Variants in PPAN observed in about 807,000 individuals in gnomAD.
The protein encoded by PPAN is suppressor of SWI4 1 homolog.
Under a neutral mutation model 48.5 loss-of-function variants are expected in PPAN, and 39 were observed. The observed-to-expected ratio is 0.80, with a 90% CI of 0.62 to 1.05. The LOEUF (loss-of-function observed/expected upper bound fraction) is 1.05, where lower values mean the gene tolerates loss of function less well. Ranked by LOEUF, PPAN falls within the 50% of genes least tolerant of loss-of-function variation. The probability of loss-of-function intolerance (pLI) is 0.00; values close to 1 mark genes in which losing one functional copy is unlikely to be tolerated. For synonymous variants in PPAN, 315 were observed against 268.6 expected, an observed-to-expected ratio of 1.17 and a Z score of -1.69; for missense variants, 736 against 661.7, an observed-to-expected ratio of 1.11 and a Z score of -1.23.
Position 10,110,624 on chromosome 19 carries a change from G to C in PPAN, c.1031+10G>C. 6.2e-7 allele frequency: 1 copy of C among 1,608,032 alleles called. No individual in the cohort carries two copies. Among genetic ancestry groups the C allele is most frequent in the Non-Finnish European group, 8.5e-7 (1 of 1,177,566 alleles). On this transcript the variant is annotated intron_variant, in intron 10 of 11. Transcript: ENST00000253107. The surrounding 1 kb of genome is among the most constrained non-coding windows in gnomAD (Gnocchi z 5.9). ...AGCGGGAGGCCCACAGGTCCAGGCAGAGCTGGGAAGGGCAGGGCCAAGGGG... is the reference window on the plus strand; with the variant it reads ...AGCGGGAGGCCCACAGGTCCAGGCACAGCTGGGAAGGGCAGGGCCAAGGGG...
Position 10,110,424 on chromosome 19 carries a change from G to T in PPAN, c.901+22G>T, listed in dbSNP as rs545914485. On this transcript the variant is annotated intron_variant, in intron 9 of 11. Coordinates refer to ENST00000253107, the MANE Select transcript of PPAN (RefSeq NM_020230.7). The surrounding 1 kb of genome is among the most constrained non-coding windows in gnomAD (Gnocchi z 5.9). ...TTTGGTGAGGCCGGGGCCGCCGGGGGTGGGGGGTCATGGGTGTGGAGCTGC... is the reference window on the plus strand; with the variant it reads ...TTTGGTGAGGCCGGGGCCGCCGGGGTTGGGGGGTCATGGGTGTGGAGCTGC... 1.2e-5 allele frequency: 19 copies of T among 1,612,854 alleles called. No homozygotes were observed. The South Asian group carries it at 1.5e-4, about 13-fold the overall frequency.
Position 10,110,581 on chromosome 19 carries a change from T to G in PPAN, c.998T>G (p.Val333Gly), listed in dbSNP as rs965660128. 6.2e-7 allele frequency: 1 copy of G among 1,603,424 alleles called. No individual in the cohort carries two copies. The highest frequency in any genetic ancestry group is 8.5e-7 in the Non-Finnish European group (1 of 1,176,004). The change falls in exon 10 of 12, where the codon GTG (valine) becomes GGG (glycine). Residue 333 changes from valine to glycine, a missense_variant. Val to Gly is a moderately radical substitution (Grantham distance 109). Transcript: ENST00000253107. The surrounding 1 kb of genome is among the most constrained non-coding windows in gnomAD (Gnocchi z 5.9). ...AQRQAQQAQN[V>G]QRKQEQREAH... ...AGGCAGGCCCAGCAGGCCCAGAATG[T>G]GCAGCGCAAGCAGGAGCAGCGGGAG...
intron 5 of PPAN, among the ~76,000 whole-genome samples, chr19:10,108,617 C>T (rs1228955874): frequency 6.6e-6 from 1 of 151,814 alleles, no homozygotes; most frequent in Non-Finnish European, 1.5e-5. Flanking sequence ...CCCGGTGTGG[C>T]GGTGCATGCC....
Position 10,111,836 on chromosome 19 carries a change from G to A in PPAN, c.*671G>A. 1 of 1,443,384 alleles carries A rather than the reference G, an allele frequency of 6.9e-7. No individual in the cohort carries two copies. The highest frequency in any genetic ancestry group is 9.6e-7 in the Non-Finnish European group (1 of 1,039,444). The allele number at this position is 1,443,384 out of a possible 1,614,324, so 89.4% of individuals were successfully genotyped here. On this transcript the variant is annotated 3_prime_UTR_variant, in exon 12 of 12. Transcript: ENST00000253107. ...GTAAAACACCTAGGTCTGGGGCTGG[G>A]CACGGTGGCTCACGCCTGTAATCCC...
chr19:10,109,152 C>G (rs995738648), intron 5 of PPAN, among the ~76,000 whole-genome samples: 1 of 151,988 alleles, frequency 6.6e-6, no homozygotes, highest in Non-Finnish European at 1.5e-5. Context: ...TTAGTAGAGA[C>G]AGGATTTCAC....
Position 10,111,661 on chromosome 19 carries a change from T to G in PPAN, c.*496T>G. Reference sequence around the variant, plus strand: ...GGGGCAGGGCCCACTAAGCCACTGGTGACTGGGGGAGGGGCTGGGGAACTG... The same window carrying G: ...GGGGCAGGGCCCACTAAGCCACTGGGGACTGGGGGAGGGGCTGGGGAACTG... On this transcript the variant is annotated 3_prime_UTR_variant, in exon 12 of 12. Transcript: ENST00000253107. 6.2e-7 allele frequency: 1 copy of G among 1,609,816 alleles called. No homozygotes were observed.
rs143841517 is a variant in PPAN, at chr19:10,110,780, G to T, written c.1115G>T (p.Ser372Ile). ...EASGIPSRTA[S>I]LELGEDDDEQ... Reference sequence around the variant, plus strand: ...TCTGGGATCCCTTCAAGGACGGCGAGCCTGGAGTTGGGTGAGGACGATGAT... The same window carrying T: ...TCTGGGATCCCTTCAAGGACGGCGATCCTGGAGTTGGGTGAGGACGATGAT... Residue 372 changes from serine to isoleucine, a missense_variant, in exon 11 of 12, where the codon AGC becomes ATC. Ser to Ile is a moderately radical substitution (Grantham distance 142). Coordinates refer to ENST00000253107, the MANE Select transcript of PPAN (RefSeq NM_020230.7). The surrounding 1 kb of genome is among the most constrained non-coding windows in gnomAD (Gnocchi z 5.9). 1.9e-6 allele frequency: 3 copies of T among 1,613,924 alleles called. No individual in the cohort carries two copies. In the African/African-American group the frequency reaches 4.0e-5, roughly 22 times the overall value.
chr19:10,106,851 G>T, intron 2 of PPAN, 180 bp downstream of exon 2: 1 of 1,030,272 alleles, frequency 9.7e-7, no homozygotes, highest in South Asian at 1.7e-5. Context: ...GTGAGGGCGC[G>T]CAGCTTGGGA....
At position 10,108,108 on chromosome 19, in the gene PPAN, C is replaced by G. The variant is rs1270759733; in HGVS notation, c.487C>G (p.Leu163Val). ...GCTCATGGCCACCATGTTCCAGAACCTGTTCCCCTCCATCAACGTGCACAA... is the reference window on the plus strand; with the variant it reads ...GCTCATGGCCACCATGTTCCAGAACGTGTTCCCCTCCATCAACGTGCACAA... ...VKLMATMFQN[L>V]FPSINVHKVN... The change falls in exon 5 of 12, where the codon CTG becomes GTG. Residue 163 changes from leucine to valine, a missense_variant. Coordinates refer to ENST00000253107, the MANE Select transcript of PPAN (RefSeq NM_020230.7). 2 of 1,612,772 alleles carry G rather than the reference C, an allele frequency of 1.2e-6. No homozygotes were observed. The highest frequency in any genetic ancestry group is 2.2e-5 in the East Asian group (1 of 44,896).
chr19:10,111,566 G>T lies in PPAN; in HGVS notation c.*401G>T. ...CCTCAGGAGGGTTGTGGCACAATGA[G>T]GAAGGAAACGTGGGTGGAAAGGCAC... On this transcript the variant is annotated 3_prime_UTR_variant, in exon 12 of 12. Coordinates refer to ENST00000253107, the MANE Select transcript of PPAN (RefSeq NM_020230.7). The T allele has an allele frequency of 1.2e-6, 1 of 849,588 alleles. No individual in the cohort carries two copies. Among genetic ancestry groups the T allele is most frequent in the East Asian group, 2.6e-5 (1 of 38,350 alleles). The allele number at this position is 849,588 out of a possible 1,614,324, so 52.6% of individuals were successfully genotyped here.
chr19:10,110,729 G>C lies in PPAN; in HGVS notation c.1064G>C (p.Arg355Pro), dbSNP rs142965918. The part of the protein sequence containing the change: ...KKSLEGMKKA[R>P]VGGSDEEASG... ...AGCCTGGAGGGCATGAAGAAGGCACGGGTCGGGGGTAGTGATGAAGAGGCC... is the reference window on the plus strand; with the variant it reads ...AGCCTGGAGGGCATGAAGAAGGCACCGGTCGGGGGTAGTGATGAAGAGGCC... The change falls in exon 11 of 12, where the codon CGG (arginine) becomes CCG (proline). Residue 355 changes from arginine (R) to proline (P), a missense_variant. Transcript: ENST00000253107. This position sits in a 1 kb window ranked among gnomAD's most constrained non-coding sequence, Gnocchi z 5.9. 8.7e-6 allele frequency: 14 copies of C among 1,613,778 alleles called. No individual in the cohort carries two copies. The highest frequency in any genetic ancestry group is 1.1e-5 in the Non-Finnish European group (13 of 1,179,980).
rs1335884382 is a variant in PPAN, at chr19:10,111,417, C to G, written c.*252C>G. Reference sequence around the variant, plus strand: ...TGGTTTCTTCCTGGAAGCTGGGTCTCTCCCCTACCCTGCACGGGGTTGGTT... The same window carrying G: ...TGGTTTCTTCCTGGAAGCTGGGTCTGTCCCCTACCCTGCACGGGGTTGGTT... On this transcript the variant is annotated 3_prime_UTR_variant, in exon 12 of 12. Coordinates refer to ENST00000253107, the MANE Select transcript of PPAN (RefSeq NM_020230.7). The G allele has an allele frequency of 1.6e-6, 1 of 630,880 alleles. No homozygotes were observed. Among genetic ancestry groups the G allele is most frequent in the Admixed American group, 3.0e-5 (1 of 33,808 alleles). The allele number at this position is 630,880 out of a possible 1,614,324, so 39.1% of individuals were successfully genotyped here.
chr19:10,109,857 C>G, intron 6 of PPAN, 56 bp from the exon 7 acceptor site: 2 of 1,604,706 alleles, frequency 1.2e-6, no homozygotes, highest in Non-Finnish European at 1.7e-6. Flanking sequence ...TGGGCACCGC[C>G]AGCCCCATCA....
Position 10,111,006 on chromosome 19 carries a change from GT to G in PPAN, c.1264del (p.Trp422GlyfsTer91). On this transcript the variant is annotated frameshift_variant, in exon 12 of 12. Coordinates refer to ENST00000253107, the MANE Select transcript of PPAN (RefSeq NM_020230.7). LOFTEE classifies it low-confidence loss of function (END_TRUNC). ...AKSPGRKRKR[W>X]EMDRGRGRLC... ...AGTCTCCAGGGCGGAAGCGGAAGCG[GT>G]GGGAAATGGATCGAGGCAGGGGTCG... is the stretch of plus-strand genomic sequence containing the variant. 1 of 1,613,546 alleles carries G rather than the reference GT, an allele frequency of 6.2e-7. No individual in the cohort carries two copies. The highest frequency in any genetic ancestry group is 1.3e-5 in the African/African-American group (1 of 75,036).
In PPAN at chr19:10,107,817, T is replaced by A; in HGVS notation, c.305T>A (p.Leu102His). ...CTTCTCCTGCAGAAGCTGATGCGCCTCCCAGGAGGCCCCACCTTGACCTTC... is the reference window on the plus strand; with the variant it reads ...CTTCTCCTGCAGAAGCTGATGCGCCACCCAGGAGGCCCCACCTTGACCTTC... ...ETNVYFKLMR[L>H]PGGPTLTFQV... The change falls in exon 4 of 12, where the codon CTC (leucine) becomes CAC (histidine). Residue 102 changes from leucine (L) to histidine (H), a missense_variant. Leu to His is a moderately conservative substitution (Grantham distance 99, BLOSUM62 -3). Transcript: ENST00000253107. The A allele has an allele frequency of 6.2e-7, 1 of 1,613,652 alleles. No homozygotes were observed. The highest frequency in any genetic ancestry group is 8.5e-7 in the Non-Finnish European group (1 of 1,179,654).
rs1599315388 is a variant in PPAN, at chr19:10,111,580, G to A, written c.*415G>A. 9.9e-7 allele frequency: 1 copy of A among 1,008,966 alleles called. No individual in the cohort carries two copies. The highest frequency in any genetic ancestry group is 2.5e-5 in the East Asian group (1 of 39,774). The allele number at this position is 1,008,966 out of a possible 1,614,324, so 62.5% of individuals were successfully genotyped here. On this transcript the variant is annotated 3_prime_UTR_variant, in exon 12 of 12. Coordinates refer to ENST00000253107, the MANE Select transcript of PPAN (RefSeq NM_020230.7). ...TGGCACAATGAGGAAGGAAACGTGG[G>A]TGGAAAGGCACGCTGGCCTGCTCTG...
Position 10,111,357 on chromosome 19 carries a change from T to C in PPAN, c.*192T>C. On this transcript the variant is annotated 3_prime_UTR_variant, in exon 12 of 12. Transcript: ENST00000253107. ...GAGCCATACAAAGCAACCCAGAGAG[T>C]CCTGGGCCGGCCACACCCGAGAGTC... 1.3e-6 allele frequency: 1 copy of C among 762,818 alleles called. No homozygotes were observed. Among genetic ancestry groups the C allele is most frequent in the Non-Finnish European group, 2.1e-6 (1 of 487,546 alleles). 47.3% of individuals were successfully genotyped at this position (762,818 alleles called of 1,614,324 possible).
Position 10,110,440 on chromosome 19 carries a change from G to A in PPAN, c.901+38G>A. 1.2e-6 allele frequency: 2 copies of A among 1,612,978 alleles called. No homozygotes were observed. Among genetic ancestry groups the A allele is most frequent in the Non-Finnish European group, 8.5e-7 (1 of 1,179,944 alleles). On this transcript the variant is annotated intron_variant, in intron 9 of 11. Transcript: ENST00000253107. The surrounding 1 kb of genome is among the most constrained non-coding windows in gnomAD (Gnocchi z 5.9). The stretch of plus-strand genomic sequence containing the variant: ...CCGCCGGGGGTGGGGGGTCATGGGT[G>A]TGGAGCTGCACCCGGATCTTGGTGA...
Position 10,108,151 on chromosome 19 carries a change from G to A in PPAN, c.513+17G>A. The stretch of plus-strand genomic sequence containing the variant: ...GTGCACAAGGTGGGTCTGGCCTGGC[G>A]AGGTGGCAGGTATGGGGGGGTGCAG... On this transcript the variant is annotated intron_variant, in intron 5 of 11. Transcript: ENST00000253107. 2.5e-6 allele frequency: 4 copies of A among 1,598,170 alleles called. No homozygotes were observed. The highest frequency in any genetic ancestry group is 1.1e-5 in the South Asian group (1 of 88,450).
Sources: allele counts gnomAD v4.1 joint callset (sites outside exome capture counted in the v4.1 genomes callset), GRCh38; gene constraint gnomAD v4.1.1; non-coding constraint Gnocchi (gnomAD v3.1); transcripts MANE v1.5; gene names NCBI Gene and HGNC (gene_info 2026-07-23, HGNC 2026-07-21).